The following PRDM2 variants were observed in gnomAD, a reference collection of about 807,000 sequenced individuals.
PRDM2 encodes the protein PR domain zinc finger protein 2.
In PRDM2, 30 loss-of-function variants were observed where a neutral mutation model predicts 130.0. The ratio of observed to expected loss-of-function variants is 0.23; its 90% CI spans 0.17 to 0.31. PRDM2 has a LOEUF of 0.31. PRDM2 is among the 10% of genes least tolerant of loss of function. The probability of loss-of-function intolerance (pLI) is 1.00; values close to 1 mark genes in which losing one functional copy is unlikely to be tolerated. For missense variants in PRDM2, 2,011 were observed against 2,108.4 expected (o/e 0.95, Z 0.90); for synonymous variants, 871 against 782.4 (o/e 1.11, Z -1.89).
chr1:13,790,268 T>C (rs549822508), intron 8 of PRDM2, among the ~76,000 whole-genome samples: 2 of 152,156 alleles, frequency 1.3e-5, no homozygotes, highest in East Asian at 3.9e-4. Context: ...TTGTGTGTGC[T>C]TTAGGCCTCG....
At chr1:13,746,528 TTTTA>T (rs34775135) in intron 5 of PRDM2, among the ~76,000 whole-genome samples, 7,016 of 146,470 alleles carry the variant, frequency 0.048, 307 homozygotes, top group African/African-American at 0.12. Flanking sequence ...TACTACTTGT[TTTTA>T]TTTATTTATT....
At chr1:13,746,512 G>C (rs1643610706) in intron 5 of PRDM2, among the ~76,000 whole-genome samples, 1 of 149,994 alleles carries the variant, frequency 6.7e-6, no homozygotes, top group African/African-American at 2.5e-5. Flanking sequence ...TTTTTGTTTT[G>C]TTTTCTACTA....
At chr1:13,717,681 CT>C (rs33938157) in intron 2 of PRDM2, among the ~76,000 whole-genome samples, 109,708 of 148,772 alleles carry the variant, frequency 0.74, 40,438 homozygotes, top group Middle Eastern at 0.78. Context: ...ATAACTACTA[CT>C]TTTTTTTTTT....
chr1:13,781,009 T>C lies in PRDM2; in HGVS notation c.3214T>C (p.Ser1072Pro). 2 of 1,602,720 alleles carry C rather than the reference T, an allele frequency of 1.2e-6. No homozygotes were observed. Among genetic ancestry groups the C allele is most frequent in the Non-Finnish European group, 1.7e-6 (2 of 1,169,788 alleles). The change falls in exon 8 of 10, where the codon TCT (serine) becomes CCT (proline). Residue 1072 changes from serine to proline, a missense_variant. Transcript: ENST00000311066. This position sits in a 1 kb window ranked among gnomAD's most constrained non-coding sequence, Gnocchi z 6.1. ...SSFSSSSSSS[S>P]PSPPPLSAIS... is the part of the protein sequence containing the mutation. ...GTTTTCTTCTTCATCTTCCTCCTCT[T>C]CTCCTTCTCCACCTCCTCTCTCCGC...
rs200638180 is a variant in PRDM2 at position 13,701,471 on chromosome 1, AC to A, written c.-66+1172del. Among the ~76,000 whole-genome samples, 900 of 152,292 alleles carry A rather than the reference AC, an allele frequency of 5.9e-3. 8 individuals are homozygous for A. The highest frequency in any genetic ancestry group is 0.02 in the African/African-American group (851 of 41,552). The stretch of plus-strand genomic sequence containing the variant: ...AAAAATGTAGGCCTTTTAAAAAAAA[AC>A]ATGATAGGAAATTTACATATATTAA... On this transcript the variant is annotated intron_variant, in intron 1 of 9. Transcript: ENST00000311066.
At chr1:13,790,411 G>T (rs372450043) in intron 8 of PRDM2, among the ~76,000 whole-genome samples, 1 of 152,134 alleles carries the variant, frequency 6.6e-6, no homozygotes, top group African/African-American at 2.4e-5. Context: ...CCTGAGCCGT[G>T]TCCACTTGGT....
At chr1:13,716,374 A>G (rs957088276) in intron 2 of PRDM2, among the ~76,000 whole-genome samples, 1 of 151,882 alleles carries the variant, frequency 6.6e-6, no homozygotes, top group Non-Finnish European at 1.5e-5. Context: ...TGGGTGCAGC[A>G]CACCAGCATG....
chr1:13,817,976 G>A (rs561081046), intron 9 of PRDM2, among the ~76,000 whole-genome samples: 3 of 152,326 alleles, frequency 2.0e-5, no homozygotes, highest in Admixed American at 2.0e-4. Flanking sequence ...TCTGTGGGAA[G>A]TCACATCACC....
At position 13,823,699 on chromosome 1, in the gene PRDM2, C is replaced by T. The variant is rs543959132; in HGVS notation, c.*564C>T. ...GCCGAGCCTGAACATGCCCCTCGGC[C>T]CCAGCACATGGAAAACCCCCTTCCT... On this transcript the variant is annotated 3_prime_UTR_variant, in exon 10 of 10. Transcript: ENST00000311066. 156 of 154,280 alleles carry T rather than the reference C, an allele frequency of 1.0e-3. 1 individual carries two copies. The South Asian group carries it at 0.028, about 28-fold the overall frequency. 9.6% of individuals were successfully genotyped at this position (154,280 alleles called of 1,614,324 possible).
intron 6 of PRDM2, among the ~76,000 whole-genome samples, chr1:13,760,006 T>C (rs1430021313): frequency 6.6e-6 from 1 of 152,198 alleles, no homozygotes; most frequent in Non-Finnish European, 1.5e-5. Context: ...AGGTGGGTCA[T>C]GGGCTTGTTT....
intron 8 of PRDM2, among the ~76,000 whole-genome samples, chr1:13,798,345 A>G (rs187635251): frequency 6.6e-6 from 1 of 152,226 alleles, no homozygotes; most frequent in African/African-American, 2.4e-5. Flanking sequence ...GTCCGTTCAT[A>G]GGTAAATGAT....
At chr1:13,759,222 A>G (rs1392433513) in intron 6 of PRDM2, among the ~76,000 whole-genome samples, 1 of 144,024 alleles carries the variant, frequency 6.9e-6, no homozygotes, top group East Asian at 2.0e-4. Flanking sequence ...TCTTGTATTT[A>G]TAAACCTACC....
intron 1 of PRDM2, among the ~76,000 whole-genome samples, chr1:13,702,463 A>G (rs903757353): frequency 6.6e-6 from 1 of 152,182 alleles, no homozygotes; most frequent in African/African-American, 2.4e-5. Flanking sequence ...TTACAGTGAA[A>G]AATATAAATT....
chr1:13,786,435 A>G, intron 8 of PRDM2: 3 of 1,549,716 alleles, frequency 1.9e-6, no homozygotes, highest in East Asian at 2.2e-5. Context: ...CTTACGGTCT[A>G]TTCACCTTTT....
chr1:13,732,762 C>T lies in PRDM2; in HGVS notation c.128-17C>T. 1.3e-6 allele frequency: 2 copies of T among 1,510,624 alleles called. No homozygotes were observed. Among genetic ancestry groups the T allele is most frequent in the Non-Finnish European group, 9.1e-7 (1 of 1,104,618 alleles). 93.6% of individuals were successfully genotyped at this position (1,510,624 alleles called of 1,614,324 possible). ...ATAACCATGATACATTATAAAAATA[C>T]TGATTTTATTTTCTAGGTGTCTGGG... On this transcript the variant is annotated splice_polypyrimidine_tract_variant and intron_variant, in intron 3 of 9. Transcript: ENST00000311066.
rs1325041219 is a variant in PRDM2, at chr1:13,806,467, G to A, written c.5037-9960G>A. 6.6e-6 allele frequency among the ~76,000 whole-genome samples: 1 copy of A among 152,136 alleles called. No homozygotes were observed. Among genetic ancestry groups the A allele is most frequent in the Non-Finnish European group, 1.5e-5 (1 of 68,040 alleles). On this transcript the variant is annotated intron_variant, in intron 8 of 9. Coordinates refer to ENST00000311066, the MANE Select transcript of PRDM2 (RefSeq NM_001393986.1). This position sits in a 1 kb window ranked among gnomAD's most constrained non-coding sequence, Gnocchi z 4.1. ...AATTTAATCTTTCCAAAATGAAACTGTCTCTCCATGAAGCCTCCCTCTCCT... is the reference window on the plus strand; with the variant it reads ...AATTTAATCTTTCCAAAATGAAACTATCTCTCCATGAAGCCTCCCTCTCCT...
intron 9 of PRDM2, among the ~76,000 whole-genome samples, chr1:13,821,939 C>G (rs1406982993): frequency 6.6e-6 from 1 of 152,224 alleles, no homozygotes; most frequent in South Asian, 2.1e-4. Flanking sequence ...CTCTGCTGCT[C>G]ATCATCTGCA....
At chr1:13,788,570 C>T (rs995867341) in intron 8 of PRDM2, among the ~76,000 whole-genome samples, 1 of 152,190 alleles carries the variant, frequency 6.6e-6, no homozygotes, top group African/African-American at 2.4e-5. Flanking sequence ...TGTCACTCCT[C>T]AGGGAAAGGT....
At chr1:13,744,366 G>T (rs758914696) in intron 5 of PRDM2, among the ~76,000 whole-genome samples, 13 of 152,164 alleles carry the variant, frequency 8.5e-5, no homozygotes, top group Non-Finnish European at 1.5e-4. Context: ...TTATGGTATT[G>T]ACCTCATAGG....
Sources: allele counts gnomAD v4.1 joint callset (sites outside exome capture counted in the v4.1 genomes callset), GRCh38; gene constraint gnomAD v4.1.1; non-coding constraint Gnocchi (gnomAD v3.1); transcripts MANE v1.5; gene names NCBI Gene and HGNC (gene_info 2026-07-23, HGNC 2026-07-21).